DIP2A: variants seen among roughly 807,000 people sequenced by gnomAD.
The protein encoded by DIP2A is DIP2 acetate--CoA ligase A, also known as disco-interacting protein 2 homolog A.
Under a neutral mutation model 177.4 loss-of-function variants are expected in DIP2A, and 85 were observed. That is an observed-to-expected ratio of 0.48 (90% CI 0.40 to 0.57). DIP2A has a LOEUF of 0.57. Ranked by LOEUF, DIP2A falls within the 20% of genes least tolerant of loss-of-function variation. The pLI, the probability that DIP2A is intolerant of heterozygous loss-of-function variation, is 0.00. For missense variants in DIP2A, 1,791 were observed against 2,100.2 expected (o/e 0.85, Z 2.88); for synonymous variants, 886 against 881.8 (o/e 1.00, Z -0.08).
intron 32 of DIP2A, among the ~76,000 whole-genome samples, chr21:46,560,165 T>G (rs2060617104): frequency 6.6e-6 from 1 of 152,202 alleles, no homozygotes; most frequent in Non-Finnish European, 1.5e-5. Context: ...TTAAGGGTGA[T>G]GTTGATCAGA....
chr21:46,551,899 G>A lies in DIP2A; in HGVS notation c.3025G>A (p.Ala1009Thr), dbSNP rs775680879. 1.6e-5 allele frequency: 25 copies of A among 1,602,564 alleles called. No individual in the cohort carries two copies. Among genetic ancestry groups the A allele is most frequent in the East Asian group, 4.5e-5 (2 of 44,458 alleles). Reference protein sequence around the residue: ...PDHPLFLLLNAKGTVTSTATC... With the variant: ...PDHPLFLLLNTKGTVTSTATC... ...CCACCCGCTGTTCTTGCTGCTGAAC[G>A]CCAAGGTGAGGCAGTGTCACGCCCA... Residue 1009 changes from alanine to threonine, a missense_variant, in exon 25 of 38, where the codon GCC becomes ACC. Physicochemically the swap from Ala to Thr is moderately conservative, Grantham distance 58. Transcript: ENST00000417564.
At position 46,490,587 on chromosome 21, in the gene DIP2A, A is replaced by G. The variant is rs747083108; in HGVS notation, c.164-13A>G. The stretch of plus-strand genomic sequence containing the variant: ...TTGTTCACATAAGGTATTCCCATAA[A>G]ATTGTGTTTCAGGAATAGACCCATC... On this transcript the variant is annotated splice_polypyrimidine_tract_variant and intron_variant, in intron 2 of 37. Coordinates refer to ENST00000417564, the MANE Select transcript of DIP2A (RefSeq NM_015151.4). 3 of 1,548,440 alleles carry G rather than the reference A, an allele frequency of 1.9e-6. No individual in the cohort carries two copies. Among genetic ancestry groups the G allele is most frequent in the South Asian group, 1.2e-5 (1 of 82,902 alleles).
At chr21:46,497,181 C>T (rs2057405228) in intron 4 of DIP2A, 74 bp downstream of exon 4, 3 of 1,525,146 alleles carry the variant, frequency 2.0e-6, no homozygotes, top group Middle Eastern at 1.7e-4. Context: ...ATTTACTTCC[C>T]ATTGAGTTGG....
intron 5 of DIP2A, among the ~76,000 whole-genome samples, chr21:46,503,613 T>TTCCTTCCTTCC (rs1290965650): frequency 1.3e-5 from 1 of 78,238 alleles, no homozygotes; most frequent in Non-Finnish European, 2.9e-5. Flanking sequence ...CCTTCCTTCC[T>TTCCTTCCTTCC]TTCTTTCTTT....
Position 46,567,618 on chromosome 21 carries a change from T to TG in DIP2A, c.4713dup (p.Ter1572ValfsTer12), listed in dbSNP as rs1338911919. The TG allele has an allele frequency of 1.9e-6, 3 of 1,591,340 alleles. No homozygotes were observed. The highest frequency in any genetic ancestry group is 2.6e-6 in the Non-Finnish European group (3 of 1,167,268). On this transcript the variant is annotated frameshift_variant, in exon 38 of 38. Transcript: ENST00000417564. LOFTEE classifies it high-confidence loss of function. ...GACCCCATCTATGTCGCCTACAACA[T>TG]GTGAGCGCAGCACACCGGCCCAGGT...
intron 9 of DIP2A, among the ~76,000 whole-genome samples, chr21:46,529,823 A>AT (rs1225301455): frequency 6.6e-6 from 1 of 152,152 alleles, no homozygotes; most frequent in Non-Finnish European, 1.5e-5. Context: ...CTGCTGTGAA[A>AT]TTCTGTATTT....
intron 9 of DIP2A, among the ~76,000 whole-genome samples, chr21:46,529,900 G>A (rs2059284512): frequency 6.6e-6 from 1 of 152,166 alleles, no homozygotes; most frequent in African/African-American, 2.4e-5. Context: ...ATAGGATGCT[G>A]GAGACTTATT....
rs761546200 is a variant in DIP2A, at chr21:46,539,909, G to A, written c.1954G>A (p.Val652Ile). The change falls in exon 17 of 38, where the codon GTC becomes ATC. Residue 652 changes from valine (V) to isoleucine (I), a missense_variant. By Grantham distance (29) the Val-to-Ile change is conservative. Coordinates refer to ENST00000417564, the MANE Select transcript of DIP2A (RefSeq NM_015151.4). ...SISSCDAFLNVFQSRGLRPEV... is the reference protein window; with the variant it reads ...SISSCDAFLNIFQSRGLRPEV... ...CTCCTCCTGTGACGCCTTCCTCAAC[G>A]TCTTCCAGTCCAGAGGTCTGAGGCC... 12 of 1,613,962 alleles carry A rather than the reference G, an allele frequency of 7.4e-6. No individual in the cohort carries two copies. Among genetic ancestry groups the A allele is most frequent in the Middle Eastern group, 1.6e-4 (1 of 6,062 alleles).
At chr21:46,566,781 G>T in intron 37 of DIP2A, 98 bp downstream of exon 37, 1 of 1,491,540 alleles carries the variant, frequency 6.7e-7, no homozygotes. Context: ...AGGACTGCTG[G>T]GCCCTGGGCA....
chr21:46,580,289 A>G, the DIP2A span, among the ~76,000 whole-genome samples: 1 of 150,928 alleles, frequency 6.6e-6, no homozygotes, highest in South Asian at 2.1e-4. Context: ...TCTGTTTTCC[A>G]TTTGCTTGGT....
chr21:46,462,043 G>A (rs1378917463), intron 1 of DIP2A, among the ~76,000 whole-genome samples: 2 of 152,062 alleles, frequency 1.3e-5, no homozygotes, highest in South Asian at 2.1e-4. Context: ...GTGGGACCTT[G>A]TCTCAAAAAA....
chr21:46,495,684 T>C lies in DIP2A; in HGVS notation c.284-1304T>C, dbSNP rs116017072. On this transcript the variant is annotated intron_variant, in intron 3 of 37. Transcript: ENST00000417564. ...AGGCAGTGGTACAGGCATAGCTTAC[T>C]GCACCTTGGAACTCCTGGGCTCAAG... Among the ~76,000 whole-genome samples the C allele has an allele frequency of 4.8e-3, 728 of 152,210 alleles. 6 individuals carry two copies. Among genetic ancestry groups the C allele is most frequent in the African/African-American group, 0.017 (700 of 41,544 alleles).
chr21:46,477,446 G>C (rs747337828), intron 1 of DIP2A, among the ~76,000 whole-genome samples: 15 of 151,018 alleles, frequency 9.9e-5, no homozygotes, highest in Non-Finnish European at 1.8e-4. Context: ...AGAATTGCTT[G>C]AACCCAGGAG....
At chr21:46,524,001 G>A (rs925466636) in intron 8 of DIP2A, among the ~76,000 whole-genome samples, 5 of 152,180 alleles carry the variant, frequency 3.3e-5, no homozygotes, top group African/African-American at 4.8e-5. Context: ...TTGCGGCGAC[G>A]CTGAATCAAA....
At chr21:46,553,967 C>T (rs1277815986) in intron 25 of DIP2A, 1 of 539,456 alleles carries the variant, frequency 1.9e-6, no homozygotes, top group South Asian at 2.3e-5. Context: ...AGTTCGAGAC[C>T]AGCCTGGCCA....
At chr21:46,475,084 T>C (rs887748930) in intron 1 of DIP2A, among the ~76,000 whole-genome samples, 1 of 1,420 alleles carries the variant, frequency 7.0e-4, no homozygotes, top group East Asian at 0.1. Flanking sequence ...TCTTCTCCAC[T>C]TAACACTCTT....
intron 32 of DIP2A, among the ~76,000 whole-genome samples, chr21:46,560,249 G>C (rs2060619418): frequency 6.6e-6 from 1 of 152,160 alleles, no homozygotes; most frequent in South Asian, 2.1e-4. Context: ...AATGTTAACT[G>C]TAAGATTCAG....
At chr21:46,464,578 C>T (rs1480727500) in intron 1 of DIP2A, among the ~76,000 whole-genome samples, 1 of 152,072 alleles carries the variant, frequency 6.6e-6, no homozygotes, top group Admixed American at 6.6e-5. Flanking sequence ...TATTAAGGTA[C>T]TAGCATCTAG....
intron 3 of DIP2A, among the ~76,000 whole-genome samples, chr21:46,495,213 TC>T (rs1374365329): frequency 0.01 from 1,008 of 98,946 alleles, 26 homozygotes; most frequent in African/African-American, 0.048. Context: ...TCTTCTCTTC[TC>T]TTCTCTTCTC....
Sources: gnomAD v4.1 joint callset for allele counts (sites outside exome capture counted in the v4.1 genomes callset) on GRCh38, gnomAD v4.1.1 for gene constraint, MANE v1.5 for transcripts, NCBI Gene and HGNC (gene_info 2026-07-23, HGNC 2026-07-21) for gene names.